SSC5D: variants seen among roughly 807,000 people sequenced by gnomAD.
SSC5D encodes the protein scavenger receptor cysteine rich family member with 5 domains.
In SSC5D, 106 loss-of-function variants were observed where a neutral mutation model predicts 104.6. That is an observed-to-expected ratio of 1.01 (90% CI 0.87 to 1.19). The LOEUF is 1.19. Ranked by LOEUF, SSC5D falls within the 50% of genes most tolerant of loss-of-function variation. SSC5D has a pLI of 0.00. For synonymous variants in SSC5D, 860 were observed against 883.5 expected (o/e 0.97, Z 0.47); for missense variants, 1,993 against 2,153.8 (o/e 0.93, Z 1.48).
At chr19:55,497,238 G>A (rs550301540) in intron 8 of SSC5D, among the ~76,000 whole-genome samples, 5 of 152,260 alleles carry the variant, frequency 3.3e-5, no homozygotes, top group African/African-American at 9.6e-5. Context: ...CCTGAAGACC[G>A]AGAGCTTTTC....
rs756176823 is a variant in SSC5D, at chr19:55,518,196, C to T, written c.3920C>T (p.Pro1307Leu). 2 of 1,447,766 alleles carry T rather than the reference C, an allele frequency of 1.4e-6. No homozygotes were observed. The highest frequency in any genetic ancestry group is 1.8e-4 in the Middle Eastern group (1 of 5,664). 89.7% of individuals were successfully genotyped at this position (1,447,766 alleles called of 1,614,324 possible). ...TTPHPTMTPD[P>L]TTTPYPTTTP... ...CCTCACCCCACCATGACTCCTGACC[C>T]CACCACGACCCCTTACCCCACCACT... The change falls in exon 14 of 14, where the codon CCC becomes CTC. Residue 1307 changes from proline (P) to leucine (L), a missense_variant. Pro to Leu is a moderately conservative substitution (Grantham distance 98, BLOSUM62 -3). Transcript: ENST00000389623.
intron 12 of SSC5D, among the ~76,000 whole-genome samples, chr19:55,508,631 G>A (rs1987690032): frequency 6.6e-6 from 1 of 151,724 alleles, no homozygotes; most frequent in Non-Finnish European, 1.5e-5. Flanking sequence ...TAGAATCCAG[G>A]GCGCATGCAG....
Position 55,490,796 on chromosome 19 carries a change from C to T in SSC5D, c.611C>T (p.Pro204Leu). Residue 204 changes from proline to leucine, a missense_variant, in exon 6 of 14, where the codon CCC becomes CTC. Pro to Leu is a moderately conservative substitution (Grantham distance 98). This residue lies in a region of SSC5D where 1,101 missense variants were observed against 1,085.0 expected (regional missense o/e 1.01). Transcript: ENST00000389623. The part of the protein sequence containing the change: ...RQERLRLVSG[P>L]HRCAGRLEVW... ...GAGCGGCTGCGCCTGGTCTCTGGCC[C>T]CCACAGGTGCGCCGGACGCCTGGAG... 1 of 1,543,318 alleles carries T rather than the reference C, an allele frequency of 6.5e-7. No individual in the cohort carries two copies. Among genetic ancestry groups the T allele is most frequent in the Non-Finnish European group, 8.7e-7 (1 of 1,144,682 alleles).
chr19:55,490,795 C>A lies in SSC5D; in HGVS notation c.610C>A (p.Pro204Thr). 1 of 1,543,030 alleles carries A rather than the reference C, an allele frequency of 6.5e-7. No individual in the cohort carries two copies. Among genetic ancestry groups the A allele is most frequent in the Non-Finnish European group, 8.7e-7 (1 of 1,144,606 alleles). Residue 204 changes from proline (P) to threonine (T), a missense_variant, in exon 6 of 14, where the codon CCC (proline) becomes ACC (threonine). Around this residue, in one of 6 missense-constraint regions of SSC5D, gnomAD observed 1,101 missense variants for 1,085.0 expected, o/e 1.01. Coordinates refer to ENST00000389623, the MANE Select transcript of SSC5D (RefSeq NM_001144950.2). ...AGAGCGGCTGCGCCTGGTCTCTGGC[C>A]CCCACAGGTGCGCCGGACGCCTGGA... The part of the protein sequence containing the change: ...RQERLRLVSG[P>T]HRCAGRLEVW...
At chr19:55,497,056 G>A (rs568115973) in intron 8 of SSC5D, among the ~76,000 whole-genome samples, 15 of 152,300 alleles carry the variant, frequency 9.8e-5, no homozygotes, top group African/African-American at 3.6e-4. Context: ...CCACCGTGCC[G>A]GGCCTGCTGC....
chr19:55,516,818 GCCTCCCCTGGC>G (rs1446652615), intron 13 of SSC5D, among the ~76,000 whole-genome samples: 1 of 152,040 alleles, frequency 6.6e-6, no homozygotes. Flanking sequence ...TGGTCTCCCT[GCCTCCCCTGGC>G]TCCGCACATC....
rs192558530 is a variant in SSC5D at position 55,518,980 on chromosome 19, C to G, written c.4704C>G (p.Pro1568=). The part of the protein sequence containing the change: ...TTTTPEEEER[P]LRGDV ...CTACCCCAGAGGAAGAAGAAAGACC[C>G]CTGAGGGGAGACGTGTGACCCTCTC... Residue 1568 remains proline, a synonymous_variant, in exon 14 of 14, where the codon CCC becomes CCG. Coordinates refer to ENST00000389623, the MANE Select transcript of SSC5D (RefSeq NM_001144950.2). 1.3e-6 allele frequency: 2 copies of G among 1,550,348 alleles called. No homozygotes were observed. The highest frequency in any genetic ancestry group is 1.7e-6 in the Non-Finnish European group (2 of 1,146,930).
chr19:55,500,502 T>C lies in SSC5D; in HGVS notation c.2315T>C (p.Val772Ala). Reference protein sequence around the residue: ...STTGESGLFRVRLADGPNRCA... With the variant: ...STTGESGLFRARLADGPNRCA... ...GCCTTCCACGCAGGCCTGTTCCGGG[T>C]TCGTCTGGCCGATGGGCCCAACCGC... The change falls in exon 11 of 14, where the codon GTT becomes GCT. Residue 772 changes from valine to alanine, a missense_variant. Transcript: ENST00000389623. This position sits in a 1 kb window ranked among gnomAD's most constrained non-coding sequence, Gnocchi z 4.6. 8 of 1,551,442 alleles carry C rather than the reference T, an allele frequency of 5.2e-6. No homozygotes were observed. The highest frequency in any genetic ancestry group is 7.0e-6 in the Non-Finnish European group (8 of 1,146,856).
intron 7 of SSC5D, among the ~76,000 whole-genome samples, chr19:55,494,241 G>C (rs1218039771): frequency 6.6e-6 from 1 of 152,124 alleles, no homozygotes; most frequent in East Asian, 1.9e-4. Context: ...CCACAGCTGA[G>C]AACAGTCCAG....
chr19:55,493,989 G>GC, intron 7 of SSC5D, 77 bp downstream of exon 7: 3 of 314,436 alleles, frequency 9.5e-6, no homozygotes, highest in Non-Finnish European at 1.3e-5. Context: ...GGCGGGGGCG[G>GC]GGGGGTCCCT....
At position 55,488,499 on chromosome 19, in the gene SSC5D, T is replaced by TTCCC; in HGVS notation, c.-80_-77dup. ...GGGCCTGGGCGCCTCCAGCAGGCAC[T>TTCCC]TCCCTCCCTCCCTCTCTCCCCAGCT... On this transcript the variant is annotated 5_prime_UTR_variant, in exon 1 of 14. Coordinates refer to ENST00000389623, the MANE Select transcript of SSC5D (RefSeq NM_001144950.2). 1 of 1,219,362 alleles carries TTCCC rather than the reference T, an allele frequency of 8.2e-7. No homozygotes were observed. Among genetic ancestry groups the TTCCC allele is most frequent in the Non-Finnish European group, 1.2e-6 (1 of 859,590 alleles). The allele number at this position is 1,219,362 out of a possible 1,614,324, so 75.5% of individuals were successfully genotyped here.
intron 7 of SSC5D, 82 bp downstream of exon 7, chr19:55,493,994 G>GCT: frequency 4.9e-5 from 7 of 143,312 alleles, no homozygotes; most frequent in South Asian, 7.8e-5. Flanking sequence ...GGGCGGGGGG[G>GCT]TCCCTACGCG....
At chr19:55,504,278 G>A in intron 12 of SSC5D, 1 of 1,475,396 alleles carries the variant, frequency 6.8e-7, no homozygotes, top group Non-Finnish European at 9.0e-7. Flanking sequence ...CTCCCGTAGG[G>A]TAGGGAGGCA....
At chr19:55,491,869 C>G (rs1027892587) in intron 6 of SSC5D, 1 of 152,368 alleles carries the variant, frequency 6.6e-6, no homozygotes, top group Non-Finnish European at 1.5e-5. Context: ...TGCTGGACTG[C>G]CCGATCCATT....
At chr19:55,509,239 A>T (rs1381882565) in intron 12 of SSC5D, among the ~76,000 whole-genome samples, 1 of 152,174 alleles carries the variant, frequency 6.6e-6, no homozygotes, top group Non-Finnish European at 1.5e-5. Context: ...AGCAAAAATG[A>T]CACCGTCTGG....
At chr19:55,508,080 A>G (rs1987677191) in intron 12 of SSC5D, among the ~76,000 whole-genome samples, 1 of 152,168 alleles carries the variant, frequency 6.6e-6, no homozygotes, top group Admixed American at 6.5e-5. Flanking sequence ...GGGGCACAGC[A>G]GCCAGAGTGG....
At chr19:55,493,983 G>GTGGC in intron 7 of SSC5D, 71 bp downstream of exon 7, 1 of 294,650 alleles carries the variant, frequency 3.4e-6, no homozygotes, top group South Asian at 2.3e-5. Context: ...AAGTTCGGCG[G>GTGGC]GGGCGGGGGG....
In SSC5D at chr19:55,500,725, C is replaced by T. The variant is rs745930913; in HGVS notation, c.2538C>T (p.Ala846=). Residue 846 remains alanine, a synonymous_variant, in exon 11 of 14, where the codon GCC becomes GCT. Transcript: ENST00000389623. The surrounding 1 kb of genome is among the most constrained non-coding windows in gnomAD (Gnocchi z 4.6). ...LDDMGCKGSE[A]SLSDCPSGAW... ...ACATGGGCTGTAAGGGAAGCGAGGC[C>T]TCACTGAGCGACTGCCCCTCGGGGG... The T allele has an allele frequency of 1.3e-6, 2 of 1,551,662 alleles. No homozygotes were observed. The highest frequency in any genetic ancestry group is 2.4e-5 in the South Asian group (2 of 84,066).
In SSC5D at chr19:55,500,129, C is replaced by T. The variant is rs766858664; in HGVS notation, c.2019C>T (p.Ser673=). 6 of 1,551,530 alleles carry T rather than the reference C, an allele frequency of 3.9e-6. No individual in the cohort carries two copies. The South Asian group carries it at 7.1e-5, about 18-fold the overall frequency. Residue 673 remains serine, a synonymous_variant, in exon 10 of 14, where the codon TCC becomes TCT. Coordinates refer to ENST00000389623, the MANE Select transcript of SSC5D (RefSeq NM_001144950.2). The surrounding 1 kb of genome is among the most constrained non-coding windows in gnomAD (Gnocchi z 4.6). The part of the protein sequence containing the change: ...QTTAALTTEA[S]RRPTSEFTRR... ...CTGCAGCACTGACCACTGAGGCCTC[C>T]CGAAGACCTACCTCTGAGTTTACCA...
Sources: gnomAD v4.1 joint callset for allele counts (sites outside exome capture counted in the v4.1 genomes callset) on GRCh38, gnomAD v4.1.1 for gene constraint, gnomAD v4.1.1 regional missense constraint, Gnocchi (gnomAD v3.1) non-coding constraint, MANE v1.5 for transcripts, NCBI Gene and HGNC (gene_info 2026-07-23, HGNC 2026-07-21) for gene names.